Variants in ANK3 observed in about 807,000 individuals in gnomAD.
ANK3 encodes the protein ankyrin-3.
ANK3 carries 57 observed loss-of-function variants against 370.9 expected under a neutral mutation model. The ratio of observed to expected loss-of-function variants is 0.15; its 90% CI spans 0.12 to 0.19. The LOEUF is 0.19. ANK3 is among the 10% of genes least tolerant of loss of function. ANK3 has a pLI of 1.00. For synonymous variants in ANK3, 1,929 were observed against 1,946.3 expected (o/e 0.99, Z 0.23); for missense variants, 4,439 against 5,302.1 (o/e 0.84, Z 5.06).
At chr10:60,733,410 G>GAA in exon 1 of ANK3, 1 of 1,146,518 alleles carries the variant, frequency 8.7e-7, no homozygotes, top group South Asian at 4.4e-5. Flanking sequence ...GACTTCTTGG[G>GAA]AAAAAGTTCG....
intron 1 of ANK3, among the ~76,000 whole-genome samples, chr10:60,700,183 G>A (rs1488354125): frequency 6.6e-6 from 1 of 152,066 alleles, no homozygotes; most frequent in Non-Finnish European, 1.5e-5. Flanking sequence ...TTAAAAATAA[G>A]TTGAAATAAA....
At chr10:60,428,957 G>C (rs1326218278) in intron 2 of ANK3, among the ~76,000 whole-genome samples, 1 of 152,074 alleles carries the variant, frequency 6.6e-6, no homozygotes, top group Non-Finnish European at 1.5e-5. Context: ...AGGAATAAGG[G>C]CTGCTTATTT....
chr10:60,108,707 A>T lies in ANK3; in HGVS notation c.3173+123T>A, dbSNP rs980710564. The T allele has an allele frequency of 8.9e-6, 7 of 788,924 alleles. No homozygotes were observed. The South Asian group carries it at 1.3e-4, about 14-fold the overall frequency. The allele number at this position is 788,924 out of a possible 1,614,324, so 48.9% of individuals were successfully genotyped here. A position where few individuals can be genotyped will look rare whatever the true frequency, so the allele number is the denominator to read the frequency against. On this transcript the variant is annotated intron_variant, in intron 27 of 43. Transcript: ENST00000280772. ...AGCTTTGTGACCTTTGACACTTTAC[A>T]AAAAGTATACTCAATCAGGTACAAC...
rs771714886 is a variant in ANK3, at chr10:60,177,593, C to CTTTTTTTTT, written c.2184+3727_2184+3735dup. 1.1e-3 allele frequency among the ~76,000 whole-genome samples: 122 copies of CTTTTTTTTT among 106,274 alleles called. 8 individuals carry two copies. Among genetic ancestry groups the CTTTTTTTTT allele is most frequent in the East Asian group, 4.5e-3 (14 of 3,126 alleles). The allele number at this position is 106,274 out of a possible 152,430, so 69.7% of individuals were successfully genotyped here. On this transcript the variant is annotated intron_variant, in intron 18 of 43. Coordinates refer to ENST00000280772, the MANE Select transcript of ANK3 (RefSeq NM_020987.5). ...CCCATACCACACATGGTCTTCAAAT[C>CTTTTTTTTT]TTTTTTTTTTTTTTTTTTGTTTGAG...
At chr10:60,598,766 C>G (rs2078021850) in intron 2 of ANK3, among the ~76,000 whole-genome samples, 1 of 152,046 alleles carries the variant, frequency 6.6e-6, no homozygotes, top group African/African-American at 2.4e-5. Flanking sequence ...ATCACTATGA[C>G]ATAAAAGCAA....
At position 60,042,855 on chromosome 10, in the gene ANK3, G is replaced by A. The variant is rs572826602; in HGVS notation, c.13066-96C>T. 4.6e-5 allele frequency: 72 copies of A among 1,568,126 alleles called. No individual in the cohort carries two copies. The African/African-American group carries it at 6.3e-4, about 14-fold the overall frequency. On this transcript the variant is annotated intron_variant, in intron 42 of 43. Coordinates refer to ENST00000280772, the MANE Select transcript of ANK3 (RefSeq NM_020987.5). ...CCTTGGAGGCTGGATTAGGACAAGC[G>A]AAACAGTTTAAAGCATTTTGTCACT... is the stretch of plus-strand genomic sequence containing the variant.
intron 38 of ANK3, among the ~76,000 whole-genome samples, chr10:60,065,401 C>T (rs1033289494): frequency 6.6e-6 from 1 of 152,038 alleles, no homozygotes. Context: ...AAGAAATGGG[C>T]AAAAATGATC....
chr10:60,266,769 G>A (rs1049514563), intron 5 of ANK3, among the ~76,000 whole-genome samples: 1 of 152,280 alleles, frequency 6.6e-6, no homozygotes, highest in Non-Finnish European at 1.5e-5. Flanking sequence ...AAATGGTGTG[G>A]TTTGCTTTGT....
intron 1 of ANK3, among the ~76,000 whole-genome samples, chr10:60,704,510 T>C (rs1417742474): frequency 6.6e-6 from 1 of 152,032 alleles, no homozygotes; most frequent in Non-Finnish European, 1.5e-5. Flanking sequence ...AAGGCCTTTA[T>C]ATGAAAACTC....
intron 2 of ANK3, 115 bp from the exon 3 acceptor site, chr10:60,279,263 T>C (rs1439584585): frequency 6.7e-6 from 6 of 896,574 alleles, no homozygotes; most frequent in Non-Finnish European, 9.0e-6. Flanking sequence ...CTTGCATGTA[T>C]GCTGTGCAGG....
intron 2 of ANK3, among the ~76,000 whole-genome samples, chr10:60,452,297 A>G (rs979712831): frequency 1.3e-5 from 2 of 152,226 alleles, no homozygotes; most frequent in African/African-American, 4.8e-5. Context: ...TTTCAGTGTA[A>G]CCACCACAGC....
chr10:60,346,133 C>T (rs907125430), intron 1 of ANK3, among the ~76,000 whole-genome samples: 4 of 152,066 alleles, frequency 2.6e-5, no homozygotes, highest in Middle Eastern at 3.4e-3. Flanking sequence ...CTTAAAAATA[C>T]ATGTATACAA....
intron 7 of ANK3, among the ~76,000 whole-genome samples, chr10:60,250,182 G>A (rs2097629131): frequency 6.6e-6 from 1 of 152,056 alleles, no homozygotes; most frequent in Non-Finnish European, 1.5e-5. Context: ...CATAGCATTG[G>A]TCAATATTTT....
chr10:60,242,564 T>C (rs1441019069), intron 7 of ANK3, among the ~76,000 whole-genome samples: 1 of 152,130 alleles, frequency 6.6e-6, no homozygotes, highest in Non-Finnish European at 1.5e-5. Flanking sequence ...GCACATTTCA[T>C]CAGGAATGAG....
chr10:60,163,641 A>C (rs2095551399), intron 23 of ANK3, among the ~76,000 whole-genome samples: 1 of 152,198 alleles, frequency 6.6e-6, no homozygotes, highest in Non-Finnish European at 1.5e-5. Context: ...ATGAAAAAGA[A>C]GAGAGAGACT....
chr10:60,588,160 T>TTTATTA (rs147944306), intron 2 of ANK3, among the ~76,000 whole-genome samples: 19,873 of 140,966 alleles, frequency 0.14, 1,562 homozygotes, highest in East Asian at 0.22. Flanking sequence ...TTTCTCAGTT[T>TTTATTA]TTATTATTAT....
intron 2 of ANK3, among the ~76,000 whole-genome samples, chr10:60,485,913 T>C (rs1372271907): frequency 6.6e-6 from 1 of 151,860 alleles, no homozygotes; most frequent in Non-Finnish European, 1.5e-5. Flanking sequence ...GGGAAAGTTA[T>C]AACTAAGAGA....
intron 10 of ANK3, 23 bp downstream of exon 10, chr10:60,208,013 G>A: frequency 6.2e-7 from 1 of 1,607,188 alleles, no homozygotes; most frequent in East Asian, 2.2e-5. Context: ...ACTGAGGCTG[G>A]ACTCGCTGGT....
chr10:60,075,732 T>G lies in ANK3; in HGVS notation c.5149A>C (p.Asn1717His), dbSNP rs764097815. ...TATTTTAGAGGGGAAATAGATCCAT[T>G]GACTAATGCTACCTCTGCATGTCCA... ...MPGHAEVALV[N>H]GSISPLKYPS... The change falls in exon 37 of 44, where the codon AAT (asparagine) becomes CAT (histidine). Residue 1717 changes from asparagine (N) to histidine (H), a missense_variant. Physicochemically the swap from Asn to His is moderately conservative, Grantham distance 68 (BLOSUM62 1). Transcript: ENST00000280772. 12 of 1,614,036 alleles carry G rather than the reference T, an allele frequency of 7.4e-6. No homozygotes were observed. The highest frequency in any genetic ancestry group is 1.0e-5 in the Non-Finnish European group (12 of 1,180,012).
Sources: allele counts gnomAD v4.1 joint callset (sites outside exome capture counted in the v4.1 genomes callset), GRCh38; gene constraint gnomAD v4.1.1; transcripts MANE v1.5; gene names NCBI Gene and HGNC (gene_info 2026-07-23, HGNC 2026-07-21).